The following XYLT1 variants were observed in gnomAD, a reference collection of about 807,000 sequenced individuals.
XYLT1 encodes xylosyltransferase 1.
Under a neutral mutation model 91.3 loss-of-function variants are expected in XYLT1, and 36 were observed. The observed-to-expected ratio is 0.39, with a 90% confidence interval of 0.30 to 0.52. The LOEUF (loss-of-function observed/expected upper bound fraction) is 0.52, where lower values mean the gene tolerates loss of function less well. Ranked by LOEUF, XYLT1 falls within the 20% of genes least tolerant of loss-of-function variation. The pLI, the probability that XYLT1 is intolerant of heterozygous loss-of-function variation, is 0.68. For synonymous variants in XYLT1, 588 were observed against 532.0 expected, an observed-to-expected ratio of 1.11 and a Z score of -1.45; for missense variants, 1,242 against 1,284.5, an observed-to-expected ratio of 0.97 and a Z score of 0.51.
chr16:17,391,952 G>C (rs1340951157), intron 1 of XYLT1, among the ~76,000 whole-genome samples: 1 of 152,168 alleles, frequency 6.6e-6, no homozygotes, highest in African/African-American at 2.4e-5. Context: ...ATGACTGCAA[G>C]GCCTCCACAG....
intron 1 of XYLT1, among the ~76,000 whole-genome samples, chr16:17,466,838 T>C (rs2036903919): frequency 2.6e-5 from 4 of 152,030 alleles, no homozygotes; most frequent in Non-Finnish European, 2.9e-5. Flanking sequence ...CATATTTCTG[T>C]ATACAAAGTG....
At chr16:17,109,168 C>G in intron 11 of XYLT1, 151 bp from the exon 12 acceptor site, 1 of 870,770 alleles carries the variant, frequency 1.1e-6, no homozygotes, top group Non-Finnish European at 1.6e-6. Context: ...TTTAGCAGTC[C>G]CATTTCACAG....
chr16:17,351,828 C>G (rs994856183), intron 2 of XYLT1, among the ~76,000 whole-genome samples: 1 of 151,702 alleles, frequency 6.6e-6, no homozygotes, highest in African/African-American at 2.4e-5. Flanking sequence ...CAGTAGCATC[C>G]TTCACCCCGA....
intron 3 of XYLT1, among the ~76,000 whole-genome samples, chr16:17,208,484 G>A (rs2032698344): frequency 1.3e-5 from 2 of 152,022 alleles, no homozygotes; most frequent in African/African-American, 4.8e-5. Flanking sequence ...TTTGGGGAAG[G>A]GACCCAAGCC....
chr16:17,301,716 A>G (rs892708035), intron 2 of XYLT1, among the ~76,000 whole-genome samples: 2 of 152,168 alleles, frequency 1.3e-5, no homozygotes, highest in African/African-American at 4.8e-5. Flanking sequence ...ACTCCACCGC[A>G]ACAACAGGTG....
At chr16:17,224,864 C>G (rs1458972797) in intron 3 of XYLT1, among the ~76,000 whole-genome samples, 1 of 152,166 alleles carries the variant, frequency 6.6e-6, no homozygotes, top group Admixed American at 6.5e-5. Context: ...AGACAGTAAA[C>G]ACTTTGGGCT....
At chr16:17,302,623 C>T (rs1489285549) in intron 2 of XYLT1, among the ~76,000 whole-genome samples, 1 of 152,222 alleles carries the variant, frequency 6.6e-6, no homozygotes, top group Non-Finnish European at 1.5e-5. Flanking sequence ...AATACCTATT[C>T]CAGCTCCAAG....
At chr16:17,144,048 G>A (rs2031065561) in intron 6 of XYLT1, among the ~76,000 whole-genome samples, 1 of 152,186 alleles carries the variant, frequency 6.6e-6, no homozygotes, top group Admixed American at 6.5e-5. Flanking sequence ...GAAAACCCCA[G>A]AGACAGTACT....
At chr16:17,148,581 C>T (rs1020318305) in intron 6 of XYLT1, among the ~76,000 whole-genome samples, 5 of 152,162 alleles carry the variant, frequency 3.3e-5, no homozygotes, top group Admixed American at 1.3e-4. Context: ...CACAGACTTT[C>T]GTTAACTAGG....
At chr16:17,158,227 G>C (rs970585415) in intron 6 of XYLT1, among the ~76,000 whole-genome samples, 1 of 152,196 alleles carries the variant, frequency 6.6e-6, no homozygotes, top group African/African-American at 2.4e-5. Context: ...GAGGTGTGAG[G>C]GATCTGGGTT....
At chr16:17,437,905 G>C (rs2036481968) in intron 1 of XYLT1, among the ~76,000 whole-genome samples, 1 of 152,194 alleles carries the variant, frequency 6.6e-6, no homozygotes, top group East Asian at 1.9e-4. Context: ...GGTGCAGTCA[G>C]CCTTTCTGGA....
At chr16:17,426,599 A>G (rs2036321721) in intron 1 of XYLT1, among the ~76,000 whole-genome samples, 1 of 152,222 alleles carries the variant, frequency 6.6e-6, no homozygotes, top group South Asian at 2.1e-4. Context: ...AGCAGAGATT[A>G]GCAAACTTTG....
At chr16:17,454,599 CA>C (rs2036711572) in intron 1 of XYLT1, among the ~76,000 whole-genome samples, 1 of 151,290 alleles carries the variant, frequency 6.6e-6, no homozygotes, top group Non-Finnish European at 1.5e-5. Context: ...TACAGTGGCA[CA>C]ATCTTGGCTC....
At chr16:17,114,847 T>G (rs1156295163) in intron 11 of XYLT1, among the ~76,000 whole-genome samples, 1 of 152,084 alleles carries the variant, frequency 6.6e-6, no homozygotes, top group African/African-American at 2.4e-5. Flanking sequence ...CTTTTTTGTT[T>G]TTGTTGTTGT....
At chr16:17,178,862 G>A (rs2032003742) in intron 5 of XYLT1, among the ~76,000 whole-genome samples, 2 of 152,162 alleles carry the variant, frequency 1.3e-5, no homozygotes, top group Non-Finnish European at 2.9e-5. Context: ...TTGAGCCCAG[G>A]AGTTTGAGAC....
intron 2 of XYLT1, among the ~76,000 whole-genome samples, chr16:17,353,195 G>A (rs906667996): frequency 3.3e-5 from 5 of 152,160 alleles, no homozygotes; most frequent in South Asian, 2.1e-4. Flanking sequence ...CAGCATAAAC[G>A]AAGACCTGCT....
At chr16:17,303,338 G>A (rs1596473092) in intron 2 of XYLT1, among the ~76,000 whole-genome samples, 1 of 152,138 alleles carries the variant, frequency 6.6e-6, no homozygotes, top group South Asian at 2.1e-4. Flanking sequence ...GTACAGCCAC[G>A]CTGGCAGAAC....
intron 2 of XYLT1, among the ~76,000 whole-genome samples, chr16:17,297,743 C>T (rs1596470849): frequency 2.0e-5 from 3 of 152,096 alleles, no homozygotes; most frequent in African/African-American, 2.4e-5. Flanking sequence ...AACAAAAGGC[C>T]GGGCGCGGTG....
intron 1 of XYLT1, among the ~76,000 whole-genome samples, chr16:17,443,435 G>A (rs1269268346): frequency 3.3e-5 from 5 of 152,182 alleles, no homozygotes; most frequent in South Asian, 2.1e-4. Flanking sequence ...GAGTTCTCAC[G>A]AGATCTGATG....
Sources: allele counts gnomAD v4.1 joint callset (sites outside exome capture counted in the v4.1 genomes callset), GRCh38; gene constraint gnomAD v4.1.1; transcripts MANE v1.5; gene names NCBI Gene and HGNC (gene_info 2026-07-23, HGNC 2026-07-21).